The following LRRC7 variants were observed in gnomAD, a reference collection of about 807,000 sequenced individuals.
The protein encoded by LRRC7 is leucine-rich repeat-containing protein 7.
A neutral mutation model predicts 175.7 loss-of-function variants in LRRC7; 23 were observed. The observed-to-expected ratio is 0.13, with a 90% confidence interval of 0.09 to 0.19. LRRC7 has a LOEUF of 0.19. Among genes scored for constraint, LRRC7 ranks in the 10% least tolerant of loss-of-function variants. The pLI, the probability that LRRC7 is intolerant of heterozygous loss-of-function variation, is 1.00. For synonymous variants in LRRC7, 685 were observed against 680.9 expected, an observed-to-expected ratio of 1.01 and a Z score of -0.09; for missense variants, 1,354 against 1,904.7, an observed-to-expected ratio of 0.71 and a Z score of 5.38.
intron 7 of LRRC7, among the ~76,000 whole-genome samples, chr1:69,882,426 A>G (rs1213071898): frequency 2.6e-5 from 4 of 152,192 alleles, no homozygotes; most frequent in Non-Finnish European, 5.9e-5. Flanking sequence ...TTGCAGGATT[A>G]TTCACAATAG....
chr1:69,931,051 A>G (rs79282263), intron 7 of LRRC7, among the ~76,000 whole-genome samples: 2,033 of 152,322 alleles, frequency 0.013, 21 homozygotes, highest in Middle Eastern at 0.024. Context: ...TTGGGAGACA[A>G]TGACTACAAT....
intron 7 of LRRC7, among the ~76,000 whole-genome samples, chr1:69,856,030 G>A (rs1213670515): frequency 5.9e-5 from 9 of 151,986 alleles, no homozygotes; most frequent in Admixed American, 5.9e-4. Context: ...TCTGCATGTG[G>A]GATGGGTGTC....
At chr1:70,109,171 G>A (rs1456257909) in intron 26 of LRRC7, among the ~76,000 whole-genome samples, 4 of 151,910 alleles carry the variant, frequency 2.6e-5, no homozygotes, top group South Asian at 2.1e-4. Context: ...ACAGGAATGC[G>A]CCACCACACT....
intron 2 of LRRC7, among the ~76,000 whole-genome samples, chr1:69,715,703 T>C (rs192983847): frequency 6.6e-6 from 1 of 152,088 alleles, no homozygotes; most frequent in Non-Finnish European, 1.5e-5. Context: ...ATTTTATCGA[T>C]TCAGAATAAT....
intron 2 of LRRC7, among the ~76,000 whole-genome samples, chr1:69,757,182 C>T (rs1230631330): frequency 6.6e-6 from 1 of 151,866 alleles, no homozygotes; most frequent in Non-Finnish European, 1.5e-5. Context: ...ATTAATAGAG[C>T]ATGAGACCAT....
chr1:69,896,103 G>T (rs764459768), intron 7 of LRRC7, among the ~76,000 whole-genome samples: 36 of 152,048 alleles, frequency 2.4e-4, no homozygotes, highest in Non-Finnish European at 5.0e-4. Context: ...CTAAAAGGGT[G>T]CCTGAAGGGG....
At chr1:69,713,993 C>T (rs1425231819) in intron 2 of LRRC7, among the ~76,000 whole-genome samples, 3 of 152,078 alleles carry the variant, frequency 2.0e-5, no homozygotes, top group Non-Finnish European at 2.9e-5. Context: ...CAAAGCTAAA[C>T]TCATCCAGCA....
chr1:69,621,515 TAGG>T (rs1182328528), intron 1 of LRRC7, among the ~76,000 whole-genome samples: 1 of 152,220 alleles, frequency 6.6e-6, no homozygotes, highest in Non-Finnish European at 1.5e-5. Context: ...CAGATGCATA[TAGG>T]AGATTTTCTC....
At chr1:69,784,860 GT>G in intron 3 of LRRC7, among the ~76,000 whole-genome samples, 1 of 152,084 alleles carries the variant, frequency 6.6e-6, no homozygotes, top group East Asian at 1.9e-4. Flanking sequence ...CAATATAAAT[GT>G]TTTTAAAGTT....
At chr1:69,745,440 A>G (rs1268441) in intron 2 of LRRC7, among the ~76,000 whole-genome samples, 127,611 of 151,794 alleles carry the variant, frequency 0.84, 54,133 homozygotes, top group African/African-American at 0.95. Context: ...ATCAGGAAAG[A>G]TGTTCAAATC....
intron 24 of LRRC7, among the ~76,000 whole-genome samples, chr1:70,081,860 T>C (rs1663237988): frequency 6.6e-6 from 1 of 152,198 alleles, no homozygotes; most frequent in Non-Finnish European, 1.5e-5. Flanking sequence ...CCTGCAAGTA[T>C]ACATGCAAAT....
At chr1:69,753,900 T>C (rs1298573319) in intron 2 of LRRC7, among the ~76,000 whole-genome samples, 1 of 152,028 alleles carries the variant, frequency 6.6e-6, no homozygotes, top group South Asian at 2.1e-4. Flanking sequence ...CATTCTCCCT[T>C]TTTAATTTAA....
intron 7 of LRRC7, among the ~76,000 whole-genome samples, chr1:69,910,919 GCCTCGC>G (rs1375338165): frequency 6.6e-6 from 1 of 152,212 alleles, no homozygotes; most frequent in Non-Finnish European, 1.5e-5. Flanking sequence ...CCCTTCCCCA[GCCTCGC>G]TGCCGCCTTG....
At chr1:69,825,157 A>G (rs1679760352) in intron 4 of LRRC7, among the ~76,000 whole-genome samples, 1 of 152,160 alleles carries the variant, frequency 6.6e-6, no homozygotes, top group Admixed American at 6.5e-5. Context: ...GACCCAAGGA[A>G]AACTGCTTGT....
chr1:69,643,561 C>T (rs1654554485), intron 1 of LRRC7, among the ~76,000 whole-genome samples: 1 of 152,270 alleles, frequency 6.6e-6, no homozygotes, highest in Non-Finnish European at 1.5e-5. Flanking sequence ...TTCAAGTCCT[C>T]TTTCCCAATG....
chr1:69,724,320 C>T (rs540857314), intron 2 of LRRC7, among the ~76,000 whole-genome samples: 20 of 152,112 alleles, frequency 1.3e-4, no homozygotes, highest in Non-Finnish European at 2.5e-4. Flanking sequence ...CCAGACTGGG[C>T]GACAGAACGA....
intron 7 of LRRC7, among the ~76,000 whole-genome samples, chr1:69,914,883 A>T (rs141204410): frequency 1.4e-3 from 218 of 152,228 alleles, no homozygotes; most frequent in African/African-American, 5.1e-3. Context: ...AACATTTGCA[A>T]TGTGGCCCTT....
chr1:69,748,256 T>C (rs1002881687), intron 2 of LRRC7, among the ~76,000 whole-genome samples: 2 of 152,128 alleles, frequency 1.3e-5, no homozygotes, highest in Non-Finnish European at 2.9e-5. Flanking sequence ...GAAGAATGAG[T>C]ATAAAACAGC....
intron 21 of LRRC7, among the ~76,000 whole-genome samples, chr1:70,041,205 C>T (rs888027708): frequency 1.3e-5 from 2 of 152,148 alleles, no homozygotes; most frequent in Non-Finnish European, 2.9e-5. Flanking sequence ...CAGGTCACTG[C>T]ATTTATTAGG....
Sources: allele counts gnomAD v4.1 joint callset (sites outside exome capture counted in the v4.1 genomes callset), GRCh38; gene constraint gnomAD v4.1.1; transcripts MANE v1.5; gene names NCBI Gene and HGNC (gene_info 2026-07-23, HGNC 2026-07-21).